Variants in THRB observed in about 807,000 individuals in gnomAD.
THRB encodes the protein nuclear receptor subfamily 1 group A member 2.
Under a neutral mutation model 47.8 loss-of-function variants are expected in THRB, and 12 were observed. The ratio of observed to expected loss-of-function variants is 0.25; its 90% CI spans 0.16 to 0.41. The LOEUF is 0.41. Among genes scored for constraint, THRB ranks in the 10% least tolerant of loss-of-function variants. The pLI is 1.00. For synonymous variants in THRB, 218 were observed against 212.2 expected, an observed-to-expected ratio of 1.03 and a Z score of -0.24; for missense variants, 348 against 589.2, an observed-to-expected ratio of 0.59 and a Z score of 4.24.
At chr3:24,236,666 C>A (rs751708310) in intron 3 of THRB, among the ~76,000 whole-genome samples, 1 of 152,150 alleles carries the variant, frequency 6.6e-6, no homozygotes, top group Admixed American at 6.5e-5. Context: ...CCTGCCCTGC[C>A]ATTTTCCTCT....
intron 4 of THRB, among the ~76,000 whole-genome samples, chr3:24,210,475 A>G (rs1439697584): frequency 6.6e-6 from 1 of 151,978 alleles, no homozygotes; most frequent in Non-Finnish European, 1.5e-5. Context: ...GGTGGTCACA[A>G]CTTGGAGTGT....
chr3:24,128,911 C>A (rs1259420461), intron 9 of THRB, among the ~76,000 whole-genome samples: 1 of 124,792 alleles, frequency 8.0e-6, no homozygotes, highest in Non-Finnish European at 1.6e-5. Flanking sequence ...GACTAAGTTT[C>A]CATAAACAAC....
At chr3:24,279,921 T>C (rs990705020) in intron 3 of THRB, among the ~76,000 whole-genome samples, 1 of 152,178 alleles carries the variant, frequency 6.6e-6, no homozygotes, top group East Asian at 1.9e-4. Flanking sequence ...TTCAGTAGAA[T>C]TAGTTTCCTT....
Position 24,122,164 on chromosome 3 carries a change from T to C in THRB, c.*720A>G, listed in dbSNP as rs2031803103. ...GAAACCATGCAGTCACTGACATTGG[T>C]GAAGATTTCTAATTTCTCTGGGCTC... On this transcript the variant is annotated 3_prime_UTR_variant, in exon 11 of 11. Coordinates refer to ENST00000646209, the MANE Select transcript of THRB (RefSeq NM_001354712.2). 1 of 152,964 alleles carries C rather than the reference T, an allele frequency of 6.5e-6. No individual in the cohort carries two copies. Among genetic ancestry groups the C allele is most frequent in the Admixed American group, 6.5e-5 (1 of 15,310 alleles). 9.5% of individuals were successfully genotyped at this position (152,964 alleles called of 1,614,324 possible).
rs533557824 is a variant in THRB at position 24,417,969 on chromosome 3, T to C, written c.-261+76683A>G. Among the ~76,000 whole-genome samples the C allele has an allele frequency of 1.6e-3, 237 of 152,040 alleles. 1 individual carries two copies. The highest frequency in any genetic ancestry group is 1.0e-3 in the Non-Finnish European group (69 of 67,866). On this transcript the variant is annotated intron_variant, in intron 1 of 10. Transcript: ENST00000646209. ...CCCAGGTTGCCAGGCCAAAAGCCTA[T>C]GTGCTTTCAACAATACTGTCCTTCT...
intron 1 of THRB, among the ~76,000 whole-genome samples, chr3:24,448,979 G>A (rs960610069): frequency 6.6e-6 from 1 of 152,156 alleles, no homozygotes; most frequent in Admixed American, 6.5e-5. Flanking sequence ...TAAGGTCAAG[G>A]ACAGATGTAA....
chr3:24,123,011 T>C lies in THRB; in HGVS notation c.1259A>G (p.Lys420Arg), dbSNP rs745429997. ...CAGATCTGTCACCTTCATCAGGAGT[T>C]TTGGCCAAAAGTGTGTCACGTGGTG... Reference protein sequence around the residue: ...RKHHVTHFWPKLLMKVTDLRM... With the variant: ...RKHHVTHFWPRLLMKVTDLRM... The change falls in exon 11 of 11, where the codon AAA becomes AGA. Residue 420 changes from lysine to arginine, a missense_variant. By Grantham distance (26) the Lys-to-Arg change is conservative. Transcript: ENST00000646209. The C allele has an allele frequency of 6.2e-7, 1 of 1,614,140 alleles. No homozygotes were observed. The highest frequency in any genetic ancestry group is 1.1e-5 in the South Asian group (1 of 91,078).
intron 1 of THRB, among the ~76,000 whole-genome samples, chr3:24,436,175 C>T (rs952340075): frequency 6.6e-6 from 1 of 151,566 alleles, no homozygotes; most frequent in African/African-American, 2.4e-5. Flanking sequence ...GTGCTTTTCT[C>T]ATGGTAGGGA....
chr3:24,221,598 C>G (rs144157428), intron 4 of THRB, among the ~76,000 whole-genome samples: 32 of 152,194 alleles, frequency 2.1e-4, no homozygotes, highest in Admixed American at 8.5e-4. Flanking sequence ...GTAAAGGGTG[C>G]CTTCTGTAAA....
At chr3:24,171,377 T>G (rs1204982427) in intron 5 of THRB, among the ~76,000 whole-genome samples, 1 of 152,142 alleles carries the variant, frequency 6.6e-6, no homozygotes, top group African/African-American at 2.4e-5. Context: ...GCACCCAACT[T>G]TAAAGCAGCC....
intron 3 of THRB, among the ~76,000 whole-genome samples, chr3:24,257,637 T>G (rs1189678215): frequency 6.6e-6 from 1 of 152,226 alleles, no homozygotes; most frequent in Non-Finnish European, 1.5e-5. Context: ...AACCATGCCA[T>G]GCAGTGTGAA....
intron 4 of THRB, among the ~76,000 whole-genome samples, chr3:24,216,609 A>C (rs1031852302): frequency 1.5e-5 from 2 of 132,072 alleles, no homozygotes; most frequent in African/African-American, 8.1e-5. Context: ...CTCCGCCTCA[A>C]AAAAAAAAAT....
intron 5 of THRB, among the ~76,000 whole-genome samples, chr3:24,156,413 G>C (rs982810394): frequency 1.3e-5 from 2 of 152,216 alleles, no homozygotes; most frequent in African/African-American, 2.4e-5. Context: ...ATATAAAGCA[G>C]ATTAATCTTG....
chr3:24,128,002 C>T lies in THRB; in HGVS notation c.886-245G>A, dbSNP rs1868573. Among the ~76,000 whole-genome samples, 54,190 of 152,018 alleles carry T rather than the reference C, an allele frequency of 0.36. 10,808 individuals are homozygous for T. Among genetic ancestry groups the T allele is most frequent in the African/African-American group, 0.55 (22,592 of 41,420 alleles). On this transcript the variant is annotated intron_variant, in intron 9 of 10. Coordinates refer to ENST00000646209, the MANE Select transcript of THRB (RefSeq NM_001354712.2). The stretch of plus-strand genomic sequence containing the variant: ...GAGTTTGCATTGCTTTTATGACAGA[C>T]ACAGTTCTCCAACTGCTATTACAGT...
chr3:24,269,135 C>T (rs2052970693), intron 3 of THRB, among the ~76,000 whole-genome samples: 1 of 152,090 alleles, frequency 6.6e-6, no homozygotes, highest in African/African-American at 2.4e-5. Flanking sequence ...TAAAATGTTG[C>T]CTTCTTTCTA....
At chr3:24,398,484 T>C (rs898712452) in intron 1 of THRB, among the ~76,000 whole-genome samples, 1 of 152,124 alleles carries the variant, frequency 6.6e-6, no homozygotes, top group Non-Finnish European at 1.5e-5. Flanking sequence ...AAAATGCTCA[T>C]CATCACTGGC....
At chr3:24,442,594 G>A (rs1366424920) in intron 1 of THRB, among the ~76,000 whole-genome samples, 1 of 152,218 alleles carries the variant, frequency 6.6e-6, no homozygotes, top group Non-Finnish European at 1.5e-5. Flanking sequence ...GGAGGCCAAG[G>A]CGGGCAGATC....
At chr3:24,291,411 A>T (rs1165393417) in intron 3 of THRB, among the ~76,000 whole-genome samples, 1 of 152,106 alleles carries the variant, frequency 6.6e-6, no homozygotes, top group East Asian at 1.9e-4. Flanking sequence ...GTTATTGTCC[A>T]TTGTCCCTTG....
At chr3:24,174,120 G>A (rs9310733) in intron 5 of THRB, among the ~76,000 whole-genome samples, 61,574 of 151,970 alleles carry the variant, frequency 0.41, 12,725 homozygotes, top group South Asian at 0.57. Flanking sequence ...TGCTGCACCT[G>A]TCAACCTGTC....
Sources: allele counts gnomAD v4.1 joint callset (sites outside exome capture counted in the v4.1 genomes callset), GRCh38; gene constraint gnomAD v4.1.1; transcripts MANE v1.5; gene names NCBI Gene and HGNC (gene_info 2026-07-23, HGNC 2026-07-21).